FRY: variants seen among roughly 807,000 people sequenced by gnomAD.
The protein encoded by FRY is FRY microtubule binding protein, also known as protein furry homolog.
FRY carries 128 observed loss-of-function variants against 348.4 expected under a neutral mutation model. The ratio of observed to expected loss-of-function variants is 0.37; its 90% CI spans 0.32 to 0.43. The LOEUF (loss-of-function observed/expected upper bound fraction) is 0.43, where lower values mean the gene tolerates loss of function less well. Among genes scored for constraint, FRY ranks in the 20% least tolerant of loss-of-function variants. The pLI, the probability that FRY is intolerant of heterozygous loss-of-function variation, is 1.00. For synonymous variants in FRY, 1,370 were observed against 1,374.7 expected, an observed-to-expected ratio of 1.00 and a Z score of 0.08; for missense variants, 2,736 against 3,695.2, an observed-to-expected ratio of 0.74 and a Z score of 6.73.
chr13:32,161,317 T>C, intron 17 of FRY, 66 bp downstream of exon 17: 2 of 960,296 alleles, frequency 2.1e-6, no homozygotes, highest in Non-Finnish European at 3.4e-6. Context: ...GAAAAAAAAA[T>C]AGAATGGTAG....
chr13:32,192,884 C>T (rs994034345), intron 28 of FRY, among the ~76,000 whole-genome samples: 3 of 151,722 alleles, frequency 2.0e-5, no homozygotes, highest in African/African-American at 7.3e-5. Context: ...GCTGGGATTA[C>T]AGGCGCACAC....
chr13:32,126,220 C>T (rs1879008660), intron 7 of FRY, among the ~76,000 whole-genome samples: 1 of 152,064 alleles, frequency 6.6e-6, no homozygotes, highest in African/African-American at 2.4e-5. Flanking sequence ...TTTGTCAAAC[C>T]CTGAAAATCT....
intron 3 of FRY, among the ~76,000 whole-genome samples, chr13:32,114,572 T>A (rs974209520): frequency 2.0e-5 from 3 of 152,218 alleles, no homozygotes; most frequent in African/African-American, 7.2e-5. Context: ...TTAGTCATCA[T>A]GTCTCCTTAG....
chr13:32,230,588 T>C (rs1450080568), intron 40 of FRY, among the ~76,000 whole-genome samples: 2 of 152,228 alleles, frequency 1.3e-5, no homozygotes, highest in African/African-American at 4.8e-5. Context: ...TTCCGTGTCT[T>C]TGCTATTGGG....
At chr13:32,179,266 A>G (rs747506883) in intron 22 of FRY, among the ~76,000 whole-genome samples, 35 of 152,186 alleles carry the variant, frequency 2.3e-4, no homozygotes, top group Non-Finnish European at 4.0e-4. Context: ...TTAAGACCAT[A>G]GAGTGACTTG....
intron 1 of FRY, among the ~76,000 whole-genome samples, chr13:32,061,620 C>T (rs1281096788): frequency 6.6e-6 from 1 of 152,124 alleles, no homozygotes; most frequent in Non-Finnish European, 1.5e-5. Flanking sequence ...TTAAACATTG[C>T]AGTAGGCCTA....
intron 7 of FRY, among the ~76,000 whole-genome samples, chr13:32,126,310 T>C (rs780398293): frequency 6.6e-6 from 1 of 152,256 alleles, no homozygotes; most frequent in East Asian, 1.9e-4. Flanking sequence ...TTGTGAATTA[T>C]GCATAACAAT....
intron 1 of FRY, among the ~76,000 whole-genome samples, chr13:32,078,471 T>C (rs867703833): frequency 6.6e-6 from 1 of 152,186 alleles, no homozygotes; most frequent in African/African-American, 2.4e-5. Flanking sequence ...TCACTTTTTT[T>C]CCCATATATG....
Position 32,174,517 on chromosome 13 carries a change from G to A in FRY, c.2334+968G>A, listed in dbSNP as rs1315864864. On this transcript the variant is annotated intron_variant, in intron 19 of 60. Transcript: ENST00000542859. ...CATTTGACCCTCATAATAACCTAAG[G>A]ATTGGTTTGGTTATTATCCCATTGT... is the stretch of plus-strand genomic sequence containing the variant. Among the ~76,000 whole-genome samples, 3 of 152,242 alleles carry A rather than the reference G, an allele frequency of 2.0e-5. No homozygotes were observed. The South Asian group carries it at 6.2e-4, about 32-fold the overall frequency.
chr13:32,133,774 T>C (rs1879527071), intron 8 of FRY, among the ~76,000 whole-genome samples: 1 of 139,850 alleles, frequency 7.2e-6, no homozygotes, highest in South Asian at 2.3e-4. Flanking sequence ...CTTTCTTTTT[T>C]TTTTTTTTTT....
At chr13:32,113,683 A>G (rs545225277) in intron 3 of FRY, among the ~76,000 whole-genome samples, 2 of 152,354 alleles carry the variant, frequency 1.3e-5, no homozygotes, top group African/African-American at 4.8e-5. Flanking sequence ...TTTCATCAGG[A>G]GCACAGAGCT....
At chr13:32,192,446 G>A (rs1409467128) in intron 28 of FRY, among the ~76,000 whole-genome samples, 1 of 152,046 alleles carries the variant, frequency 6.6e-6, no homozygotes. Context: ...CTGAGTAGCT[G>A]GGACTACAGG....
chr13:32,282,196 T>G (rs547394455), intron 58 of FRY, among the ~76,000 whole-genome samples: 1 of 152,300 alleles, frequency 6.6e-6, no homozygotes, highest in Non-Finnish European at 1.5e-5. Context: ...ATGTCTGGCC[T>G]CAGAGCACTG....
At chr13:32,288,302 A>G (rs1013185769) in intron 58 of FRY, among the ~76,000 whole-genome samples, 4 of 152,236 alleles carry the variant, frequency 2.6e-5, no homozygotes, top group African/African-American at 9.6e-5. Context: ...CACAAAATAC[A>G]ATGTTTTACT....
intron 1 of FRY, among the ~76,000 whole-genome samples, chr13:32,054,942 A>C (rs969203387): frequency 1.3e-5 from 2 of 152,010 alleles, no homozygotes; most frequent in African/African-American, 4.8e-5. Context: ...GCAAAAGCAA[A>C]CCCCAAGTTC....
intron 29 of FRY, among the ~76,000 whole-genome samples, chr13:32,195,430 A>C (rs1479317949): frequency 6.6e-6 from 1 of 152,184 alleles, no homozygotes; most frequent in African/African-American, 2.4e-5. Flanking sequence ...ATATTTCAAC[A>C]TTCTAAAAAT....
In FRY at chr13:32,173,493, T is replaced by A. The variant is rs909769614; in HGVS notation, c.2278T>A (p.Ser760Thr). The change falls in exon 19 of 61, where the codon TCC (serine) becomes ACC (threonine). Residue 760 changes from serine (S) to threonine (T), a missense_variant. By Grantham distance (58) the Ser-to-Thr change is moderately conservative. Coordinates refer to ENST00000542859, the MANE Select transcript of FRY (RefSeq NM_023037.3). ...CSFQVATRKL[S>T]VLILKEIRAL... is the part of the protein sequence containing the mutation. Reference sequence around the variant, plus strand: ...TTTCCAGGTGGCCACACGCAAACTGTCCGTTTTAATACTCAAGGAAATTCG... The same window carrying A: ...TTTCCAGGTGGCCACACGCAAACTGACCGTTTTAATACTCAAGGAAATTCG... 2 of 1,613,592 alleles carry A rather than the reference T, an allele frequency of 1.2e-6. No individual in the cohort carries two copies. The highest frequency in any genetic ancestry group is 2.7e-5 in the African/African-American group (2 of 74,918).
chr13:32,053,172 A>G (rs536510418), intron 1 of FRY, among the ~76,000 whole-genome samples: 2 of 152,366 alleles, frequency 1.3e-5, no homozygotes, highest in African/African-American at 2.4e-5. Flanking sequence ...CTAAGCAGCC[A>G]TATGTGGCTA....
chr13:32,273,167 G>T (rs1468549676), intron 55 of FRY, among the ~76,000 whole-genome samples: 2 of 151,142 alleles, frequency 1.3e-5, no homozygotes, highest in African/African-American at 4.9e-5. Flanking sequence ...AGTCAGACCC[G>T]TCCTTACTCA....
Sources: allele counts gnomAD v4.1 joint callset (sites outside exome capture counted in the v4.1 genomes callset), GRCh38; gene constraint gnomAD v4.1.1; transcripts MANE v1.5; gene names NCBI Gene and HGNC (gene_info 2026-07-23, HGNC 2026-07-21).